The following MACROD2 variants were observed in gnomAD, a reference collection of about 807,000 sequenced individuals.
MACROD2 encodes ADP-ribose glycohydrolase MACROD2.
Under a neutral mutation model 70.4 loss-of-function variants are expected in MACROD2, and 36 were observed. The ratio of observed to expected loss-of-function variants is 0.51; its 90% CI spans 0.39 to 0.68. The LOEUF is 0.68. Among genes scored for constraint, MACROD2 ranks in the 30% least tolerant of loss-of-function variants. MACROD2 has a pLI of 0.00. For missense variants in MACROD2, 496 were observed against 538.4 expected, an observed-to-expected ratio of 0.92 and a Z score of 0.78; for synonymous variants, 172 against 178.8, an observed-to-expected ratio of 0.96 and a Z score of 0.30.
chr20:15,017,502 T>A (rs1336146419), intron 5 of MACROD2, among the ~76,000 whole-genome samples: 3 of 152,168 alleles, frequency 2.0e-5, no homozygotes, highest in Non-Finnish European at 2.9e-5. Context: ...TCTGCCATTC[T>A]GGGGTCTGGA....
At chr20:15,242,494 G>GT (rs2077068277) in intron 6 of MACROD2, among the ~76,000 whole-genome samples, 1 of 152,108 alleles carries the variant, frequency 6.6e-6, no homozygotes, top group South Asian at 2.1e-4. Context: ...CTGGTCTTCA[G>GT]TTTGCCTTTA....
chr20:15,145,012 A>G (rs456646), intron 5 of MACROD2, among the ~76,000 whole-genome samples: 89,018 of 151,414 alleles, frequency 0.59, 26,249 homozygotes, highest in East Asian at 0.65. Context: ...GTGCCTGGCA[A>G]CTGTTTGCCT....
chr20:15,825,664 A>G (rs1205629728), intron 8 of MACROD2, among the ~76,000 whole-genome samples: 2 of 152,114 alleles, frequency 1.3e-5, no homozygotes, highest in African/African-American at 4.8e-5. Flanking sequence ...CAATAGATAG[A>G]TACTAATGAT....
At chr20:14,100,676 T>A (rs2054287399) in intron 3 of MACROD2, among the ~76,000 whole-genome samples, 1 of 135,730 alleles carries the variant, frequency 7.4e-6, no homozygotes, top group South Asian at 2.2e-4. Flanking sequence ...TTAAATGTAT[T>A]TATATATTTA....
At chr20:14,834,254 G>GT (rs201456532) in intron 5 of MACROD2, among the ~76,000 whole-genome samples, 32,484 of 145,120 alleles carry the variant, frequency 0.22, 3,828 homozygotes, top group East Asian at 0.36. Flanking sequence ...CGCTAGTATG[G>GT]TTTTTTTTTT....
At position 14,256,538 on chromosome 20, in the gene MACROD2, A is replaced by G. The variant is rs4413220; in HGVS notation, c.271+170810A>G. Among the ~76,000 whole-genome samples, 434 of 152,248 alleles carry G rather than the reference A, an allele frequency of 2.9e-3. 1 individual carries two copies. Among genetic ancestry groups the G allele is most frequent in the African/African-American group, 9.3e-3 (387 of 41,562 alleles). On this transcript the variant is annotated intron_variant, in intron 3 of 17. Transcript: ENST00000684519. Reference sequence around the variant, plus strand: ...GAGAAGATTTACTTTTGTTTCTGGCAAGTAATTGGCCTGGGAATGGCAGTA... The same window carrying G: ...GAGAAGATTTACTTTTGTTTCTGGCGAGTAATTGGCCTGGGAATGGCAGTA...
At chr20:15,134,469 T>C (rs2076131253) in intron 5 of MACROD2, among the ~76,000 whole-genome samples, 2 of 151,972 alleles carry the variant, frequency 1.3e-5, no homozygotes, top group Admixed American at 6.5e-5. Context: ...GAATCACTAC[T>C]GGGTACATAA....
chr20:14,636,534 A>T (rs1984797777), intron 4 of MACROD2: 1 of 152,188 alleles, frequency 6.6e-6, no homozygotes, highest in Admixed American at 6.5e-5. Context: ...GAAAGGCAAG[A>T]GTGATCCTGG....
At chr20:15,088,050 T>C (rs1568567078) in intron 5 of MACROD2, among the ~76,000 whole-genome samples, 1 of 151,966 alleles carries the variant, frequency 6.6e-6, no homozygotes, top group Non-Finnish European at 1.5e-5. Flanking sequence ...ATCATTGTCA[T>C]GCATTTTTAA....
intron 5 of MACROD2, among the ~76,000 whole-genome samples, chr20:14,957,096 A>G (rs1024541655): frequency 2.0e-5 from 3 of 152,128 alleles, no homozygotes; most frequent in African/African-American, 7.2e-5. Context: ...CACATTATCA[A>G]TGATTTTTTT....
chr20:15,428,081 A>C (rs1330465356), intron 6 of MACROD2, among the ~76,000 whole-genome samples: 1 of 152,208 alleles, frequency 6.6e-6, no homozygotes. Context: ...TGGACATCAC[A>C]GCATCCATGC....
At chr20:14,138,473 A>G (rs888942990) in intron 3 of MACROD2, among the ~76,000 whole-genome samples, 2 of 152,158 alleles carry the variant, frequency 1.3e-5, no homozygotes, top group African/African-American at 2.4e-5. Flanking sequence ...AGTGAAATAC[A>G]TTATGTTAAA....
chr20:14,176,502 A>C (rs1459593346), intron 3 of MACROD2, among the ~76,000 whole-genome samples: 3 of 152,170 alleles, frequency 2.0e-5, no homozygotes, highest in Non-Finnish European at 4.4e-5. Flanking sequence ...ATTTTTCTAT[A>C]AGTTCACCAT....
chr20:14,462,884 A>G (rs1317045652), intron 3 of MACROD2, among the ~76,000 whole-genome samples: 1 of 151,792 alleles, frequency 6.6e-6, no homozygotes, highest in Non-Finnish European at 1.5e-5. Context: ...GTTCTGTTCC[A>G]TTGGTCTATA....
intron 8 of MACROD2, among the ~76,000 whole-genome samples, chr20:15,716,251 G>A (rs931370552): frequency 6.6e-6 from 1 of 152,088 alleles, no homozygotes; most frequent in Non-Finnish European, 1.5e-5. Context: ...CAATTGAAAG[G>A]CTTGTTTTGC....
At chr20:15,906,742 G>A (rs560732974) in intron 10 of MACROD2, among the ~76,000 whole-genome samples, 17 of 152,264 alleles carry the variant, frequency 1.1e-4, no homozygotes, top group Admixed American at 8.5e-4. Context: ...TTATCTACTC[G>A]AATGTTTCCA....
chr20:15,502,594 G>A (rs1355945378), intron 8 of MACROD2, among the ~76,000 whole-genome samples: 4 of 152,132 alleles, frequency 2.6e-5, no homozygotes, highest in Non-Finnish European at 4.4e-5. Context: ...ATCAGAGTAG[G>A]AAATGGCAGA....
intron 5 of MACROD2, among the ~76,000 whole-genome samples, chr20:15,146,060 T>C (rs467455): frequency 0.59 from 89,607 of 151,982 alleles, 26,554 homozygotes; most frequent in East Asian, 0.65. Context: ...TTGTTACATT[T>C]ATTCCCAATC....
intron 5 of MACROD2, among the ~76,000 whole-genome samples, chr20:14,944,889 A>G (rs895675583): frequency 5.9e-5 from 9 of 151,850 alleles, no homozygotes; most frequent in Non-Finnish European, 1.0e-4. Context: ...TTCCACCATG[A>G]CTTTTCTGTC....
Sources: allele counts gnomAD v4.1 joint callset (sites outside exome capture counted in the v4.1 genomes callset), GRCh38; gene constraint gnomAD v4.1.1; transcripts MANE v1.5; gene names NCBI Gene and HGNC (gene_info 2026-07-23, HGNC 2026-07-21).